ZNF749: variants seen among roughly 807,000 people sequenced by gnomAD.
ZNF749 encodes zinc finger protein 749.
Under a neutral mutation model 7.3 loss-of-function variants are expected in ZNF749, and 8 were observed. The observed-to-expected ratio is 1.10, with a 90% CI of 0.64 to 1.98. ZNF749 has a LOEUF of 1.98. ZNF749 is among the 30% of genes most tolerant of loss of function. The pLI, the probability that ZNF749 is intolerant of heterozygous loss-of-function variation, is 0.00. For synonymous variants in ZNF749, 310 were observed against 322.4 expected, an observed-to-expected ratio of 0.96 and a Z score of 0.41; for missense variants, 898 against 932.4, an observed-to-expected ratio of 0.96 and a Z score of 0.48.
the ZNF749 span, among the ~76,000 whole-genome samples, chr19:57,429,214 T>TG: frequency 5.9e-5 from 9 of 152,054 alleles, no homozygotes; most frequent in African/African-American, 2.2e-4. The surrounding 1 kb of genome is among the most constrained non-coding windows in gnomAD (Gnocchi z 4.2). Flanking sequence ...TTAGTAGAGA[T>TG]GGGGTTTTGC....
rs759882338 is a variant in ZNF749 at position 57,443,314 on chromosome 19, G to A, written c.166G>A (p.Glu56Lys). 15 of 1,608,404 alleles carry A rather than the reference G, an allele frequency of 9.3e-6. No individual in the cohort carries two copies. The highest frequency in any genetic ancestry group is 1.3e-5 in the African/African-American group (1 of 74,858). ...AGGTTGTTGGCATGGAGCCAAGGATGAGGAGGTACCTTCCAAGCAGTGTGT... is the reference window on the plus strand; with the variant it reads ...AGGTTGTTGGCATGGAGCCAAGGATAAGGAGGTACCTTCCAAGCAGTGTGT... ...SVGCWHGAKDEEVPSKQCVSV... is the reference protein window; with the variant it reads ...SVGCWHGAKDKEVPSKQCVSV... The change falls in exon 3 of 3, where the codon GAG becomes AAG. Residue 56 changes from glutamate to lysine, a missense_variant. Coordinates refer to ENST00000334181, the MANE Select transcript of ZNF749 (RefSeq NM_001023561.4).
In ZNF749 at chr19:57,443,396, C is replaced by T; in HGVS notation, c.248C>T (p.Ala83Val). 1 of 1,614,234 alleles carries T rather than the reference C, an allele frequency of 6.2e-7. No homozygotes were observed. Among genetic ancestry groups the T allele is most frequent in the Non-Finnish European group, 8.5e-7 (1 of 1,180,038 alleles). The change falls in exon 3 of 3, where the codon GCC becomes GTC. Residue 83 changes from alanine (A) to valine (V), a missense_variant. Physicochemically the swap from Ala to Val is moderately conservative, Grantham distance 64. Transcript: ENST00000334181. Reference protein sequence around the residue: ...IPKPALSTLKAQPCKMCSSIL... With the variant: ...IPKPALSTLKVQPCKMCSSIL... ...AAGCCAGCTTTGTCCACCCTGAAGG[C>T]CCAGCCCTGCAAGATGTGTAGCTCA...
chr19:57,433,111 AGTGTGTGTGTGTGT>A (rs71186260), upstream of ZNF749, among the ~76,000 whole-genome samples: 62 of 143,502 alleles, frequency 4.3e-4, no homozygotes, highest in South Asian at 2.1e-3. Context: ...AGTCTTGAGG[AGTGTGTGTGTGTGT>A]GTGTGTGTGT....
At chr19:57,435,254 G>A, upstream of ZNF749, 1 of 535,328 alleles carries the variant, frequency 1.9e-6, no homozygotes, top group East Asian at 3.3e-5. Flanking sequence ...GACACTGCGG[G>A]GGCAGGGCAG....
At chr19:57,432,976 C>A (rs888365713), upstream of ZNF749, among the ~76,000 whole-genome samples, 1 of 152,170 alleles carries the variant, frequency 6.6e-6, no homozygotes, top group African/African-American at 2.4e-5. Flanking sequence ...AATCAGACCA[C>A]ACCGTAGTAA....
At chr19:57,441,824 A>G in intron 1 of ZNF749, 61 bp from the exon 2 acceptor site, 1 of 1,597,182 alleles carries the variant, frequency 6.3e-7, no homozygotes, top group Non-Finnish European at 8.5e-7. Context: ...AGATAAATAC[A>G]GATCTAAGGA....
In ZNF749 at chr19:57,445,206, T is replaced by C; in HGVS notation, c.2058T>C (p.His686=). The C allele has an allele frequency of 6.2e-7, 1 of 1,614,106 alleles. No homozygotes were observed. The highest frequency in any genetic ancestry group is 8.5e-7 in the Non-Finnish European group (1 of 1,179,972). ...GATACCGCTCTACATTCATTAAACATCATAAAGTTTGCACTGGGGAGAAGC... is the reference window on the plus strand; with the variant it reads ...GATACCGCTCTACATTCATTAAACACCATAAAGTTTGCACTGGGGAGAAGC... ...FLRYRSTFIK[H]HKVCTGEKPH... The change falls in exon 3 of 3, where the codon CAT becomes CAC. Residue 686 remains histidine (H), a synonymous_variant. Transcript: ENST00000334181.
rs1318518510 is a variant in ZNF749 at position 57,435,472 on chromosome 19, G to A, written c.-107G>A. ...GTGTTCCTTCTACACAGAGGCTAGA[G>A]TGCGGATCGGCTGAGTCGGCTGCAG... On this transcript the variant is annotated 5_prime_UTR_variant, in exon 1 of 3. It adds an upstream start codon to the 5' untranslated region. Coordinates refer to ENST00000334181, the MANE Select transcript of ZNF749 (RefSeq NM_001023561.4). The A allele has an allele frequency of 6.7e-7, 1 of 1,497,338 alleles. No homozygotes were observed. Among genetic ancestry groups the A allele is most frequent in the Non-Finnish European group, 9.0e-7 (1 of 1,105,466 alleles). The allele number at this position is 1,497,338 out of a possible 1,614,324, so 92.8% of individuals were successfully genotyped here.
At chr19:57,441,454 A>G (rs573838988) in intron 1 of ZNF749, among the ~76,000 whole-genome samples, 2 of 152,270 alleles carry the variant, frequency 1.3e-5, no homozygotes, top group East Asian at 3.9e-4. Flanking sequence ...AATTACTTTC[A>G]TTTCCTTAGT....
chr19:57,431,038 CAAAAAAAAAAA>C (rs34687490), upstream of ZNF749, among the ~76,000 whole-genome samples: 1 of 93,782 alleles, frequency 1.1e-5, no homozygotes, highest in Admixed American at 1.2e-4. Flanking sequence ...GACTCTGTCT[CAAAAAAAAAAA>C]AAAAAAAAGA....
Position 57,435,472 on chromosome 19 carries a change from G to T in ZNF749, c.-107G>T. The T allele has an allele frequency of 6.7e-7, 1 of 1,497,456 alleles. No individual in the cohort carries two copies. The highest frequency in any genetic ancestry group is 9.0e-7 in the Non-Finnish European group (1 of 1,105,458). The allele number at this position is 1,497,456 out of a possible 1,614,324, so 92.8% of individuals were successfully genotyped here. On this transcript the variant is annotated 5_prime_UTR_variant, in exon 1 of 3. Transcript: ENST00000334181. ...GTGTTCCTTCTACACAGAGGCTAGAGTGCGGATCGGCTGAGTCGGCTGCAG... is the reference window on the plus strand; with the variant it reads ...GTGTTCCTTCTACACAGAGGCTAGATTGCGGATCGGCTGAGTCGGCTGCAG...
At chr19:57,434,817 G>A (rs758811755), upstream of ZNF749, among the ~76,000 whole-genome samples, 1 of 151,948 alleles carries the variant, frequency 6.6e-6, no homozygotes, top group Non-Finnish European at 1.5e-5. Context: ...GCACACTAAC[G>A]ATCAAAAAAA....
chr19:57,440,676 A>G (rs574002370), intron 1 of ZNF749, among the ~76,000 whole-genome samples: 11 of 152,186 alleles, frequency 7.2e-5, no homozygotes, highest in African/African-American at 2.4e-4. Flanking sequence ...CATTAGATAC[A>G]TGAGAGAGGT....
upstream of ZNF749, among the ~76,000 whole-genome samples, chr19:57,434,940 C>G (rs1293443244): frequency 6.6e-6 from 1 of 152,192 alleles, no homozygotes; most frequent in Non-Finnish European, 1.5e-5. Flanking sequence ...TTCTTCCTTT[C>G]GGGACTTGCT....
chr19:57,443,320 G>T lies in ZNF749; in HGVS notation c.172G>T (p.Val58Leu), dbSNP rs1374960880. 6.2e-7 allele frequency: 1 copy of T among 1,610,782 alleles called. No homozygotes were observed. ...TTGGCATGGAGCCAAGGATGAGGAG[G>T]TACCTTCCAAGCAGTGTGTTTCTGT... ...GCWHGAKDEE[V>L]PSKQCVSVRV... Residue 58 changes from valine (V) to leucine (L), a missense_variant, in exon 3 of 3, where the codon GTA becomes TTA. Transcript: ENST00000334181.
upstream of ZNF749, chr19:57,435,258 AG>A: frequency 2.0e-6 from 1 of 508,584 alleles, no homozygotes; most frequent in Non-Finnish European, 3.5e-6. Context: ...CTGCGGGGGC[AG>A]GGCAGCGAGT....
In ZNF749 at chr19:57,447,029, A is replaced by C. The variant is rs1176139932; in HGVS notation, c.*1544A>C. Among the ~76,000 whole-genome samples, 1 of 152,206 alleles carries C rather than the reference A, an allele frequency of 6.6e-6. No homozygotes were observed. The highest frequency in any genetic ancestry group is 1.5e-5 in the Non-Finnish European group (1 of 68,034). On this transcript the variant is annotated 3_prime_UTR_variant, in exon 3 of 3. Coordinates refer to ENST00000334181, the MANE Select transcript of ZNF749 (RefSeq NM_001023561.4). ...ATTACTGTACCCTATTGTAGATGTT[A>C]TAAACATTGTACACTTAGGCTACTC...
At chr19:57,429,179 C>A in the ZNF749 span, among the ~76,000 whole-genome samples, 553 of 152,274 alleles carry the variant, frequency 3.6e-3, 2 homozygotes, top group African/African-American at 0.013. This position sits in a 1 kb window ranked among gnomAD's most constrained non-coding sequence, Gnocchi z 4.2. Flanking sequence ...TGCCCACCAA[C>A]ACGCCTGGCT....
rs537230187 is a variant in ZNF749 at position 57,446,815 on chromosome 19, A to C, written c.*1330A>C. Reference sequence around the variant, plus strand: ...ACCTTAACAGCATGTTACAGTATTGAATATTGTAGGTAATTGAAACACAAT... The same window carrying C: ...ACCTTAACAGCATGTTACAGTATTGCATATTGTAGGTAATTGAAACACAAT... On this transcript the variant is annotated 3_prime_UTR_variant, in exon 3 of 3. Coordinates refer to ENST00000334181, the MANE Select transcript of ZNF749 (RefSeq NM_001023561.4). Among the ~76,000 whole-genome samples, 3 of 152,314 alleles carry C rather than the reference A, an allele frequency of 2.0e-5. No homozygotes were observed. The highest frequency in any genetic ancestry group is 7.2e-5 in the African/African-American group (3 of 41,558).
Sources: gnomAD v4.1 joint callset for allele counts (sites outside exome capture counted in the v4.1 genomes callset) on GRCh38, gnomAD v4.1.1 for gene constraint, Gnocchi (gnomAD v3.1) non-coding constraint, MANE v1.5 for transcripts, NCBI Gene and HGNC (gene_info 2026-07-23, HGNC 2026-07-21) for gene names.